GALNT13: variants seen among roughly 807,000 people sequenced by gnomAD.
GALNT13 encodes UDP-GalNAc:polypeptide N-acetylgalactosaminyltransferase 13.
In GALNT13, 28 loss-of-function variants were observed where a neutral mutation model predicts 64.2. The ratio of observed to expected loss-of-function variants is 0.44; its 90% CI spans 0.32 to 0.60. GALNT13 has a LOEUF of 0.60. GALNT13 is among the 20% of genes least tolerant of loss of function. GALNT13 has a pLI of 0.05. For missense variants in GALNT13, 577 were observed against 669.8 expected (o/e 0.86, Z 1.53); for synonymous variants, 214 against 224.6 (o/e 0.95, Z 0.42).
the GALNT13 span, among the ~76,000 whole-genome samples, chr2:153,393,947 TACAC>T: frequency 6.2e-3 from 791 of 128,224 alleles, 2 homozygotes; most frequent in East Asian, 0.022. Flanking sequence ...TCTCTCTGTC[TACAC>T]ACACACACAC....
At chr2:153,541,579 G>A in the GALNT13 span, among the ~76,000 whole-genome samples, 601 of 152,184 alleles carry the variant, frequency 3.9e-3, 8 homozygotes, top group Admixed American at 0.024. Flanking sequence ...TCTCCCCTGC[G>A]TTTCTGTGTA....
rs972829083 is a variant in GALNT13 at position 154,384,760 on chromosome 2, T to C, written c.1157-11231T>C. Among the ~76,000 whole-genome samples, 9 of 152,064 alleles carry C rather than the reference T, an allele frequency of 5.9e-5. No individual in the cohort carries two copies. In the East Asian group the frequency reaches 1.5e-3, roughly 26 times the overall value. ...GTCATTCTCAGTGCCATTAAGAAGA[T>C]TGACAATCCAGGCTATCTTAAAATC... is the stretch of plus-strand genomic sequence containing the variant. On this transcript the variant is annotated intron_variant, in intron 9 of 12. Transcript: ENST00000392825.
At chr2:154,201,437 G>T (rs1171773570) in intron 4 of GALNT13, among the ~76,000 whole-genome samples, 2 of 152,062 alleles carry the variant, frequency 1.3e-5, no homozygotes, top group African/African-American at 4.8e-5. Flanking sequence ...ATTGAATACT[G>T]TCTTATACCT....
the GALNT13 span, among the ~76,000 whole-genome samples, chr2:153,419,165 T>C: frequency 2.0e-5 from 3 of 152,164 alleles, no homozygotes; most frequent in Non-Finnish European, 4.4e-5. Flanking sequence ...CTTACAATCA[T>C]GGTGGAAGAG....
chr2:153,619,597 G>T, the GALNT13 span, among the ~76,000 whole-genome samples: 1 of 151,952 alleles, frequency 6.6e-6, no homozygotes, highest in Non-Finnish European at 1.5e-5. Flanking sequence ...TATAGGACGG[G>T]CCTTGTAGAA....
intron 4 of GALNT13, among the ~76,000 whole-genome samples, chr2:154,154,102 A>G (rs1684252608): frequency 6.6e-6 from 1 of 152,134 alleles, no homozygotes; most frequent in Non-Finnish European, 1.5e-5. Flanking sequence ...TATATTTCTA[A>G]TATTTTGTTT....
intron 12 of GALNT13, among the ~76,000 whole-genome samples, chr2:154,449,514 A>T (rs2105506120): frequency 6.6e-6 from 1 of 150,700 alleles, no homozygotes; most frequent in South Asian, 2.1e-4. Context: ...TATTTTCAAG[A>T]TATATTTGCA....
chr2:153,151,972 A>T, the GALNT13 span, among the ~76,000 whole-genome samples: 1 of 151,992 alleles, frequency 6.6e-6, no homozygotes, highest in East Asian at 1.9e-4. Flanking sequence ...CTAAAACTTA[A>T]AGTATAATAA....
the GALNT13 span, among the ~76,000 whole-genome samples, chr2:153,189,539 T>C: frequency 5.9e-5 from 9 of 152,284 alleles, no homozygotes; most frequent in Admixed American, 5.9e-4. Flanking sequence ...TTGGCAATTG[T>C]GAATAGTGTT....
At chr2:153,816,878 T>G in the GALNT13 span, among the ~76,000 whole-genome samples, 1 of 152,166 alleles carries the variant, frequency 6.6e-6, no homozygotes, top group Non-Finnish European at 1.5e-5. Context: ...ATGCAGACTC[T>G]TTGGGTTCTG....
intron 4 of GALNT13, among the ~76,000 whole-genome samples, chr2:154,183,186 C>T (rs1306742849): frequency 6.6e-6 from 1 of 151,992 alleles, no homozygotes; most frequent in Non-Finnish European, 1.5e-5. Flanking sequence ...GAATAAATAC[C>T]AAATCAATGT....
At chr2:153,438,341 T>A in the GALNT13 span, among the ~76,000 whole-genome samples, 1 of 152,142 alleles carries the variant, frequency 6.6e-6, no homozygotes, top group Non-Finnish European at 1.5e-5. Context: ...TTTGTGGCAT[T>A]TTCTGTATTT....
intron 1 of GALNT13, among the ~76,000 whole-genome samples, chr2:153,883,599 G>T (rs1183991489): frequency 6.6e-6 from 1 of 152,110 alleles, no homozygotes; most frequent in African/African-American, 2.4e-5. Flanking sequence ...ATGTGAAGTA[G>T]TCCAGGAAGG....
At chr2:154,302,126 A>T (rs1013580462) in intron 9 of GALNT13, among the ~76,000 whole-genome samples, 3 of 151,962 alleles carry the variant, frequency 2.0e-5, no homozygotes, top group African/African-American at 4.8e-5. Context: ...TCTTTTCCCT[A>T]TATTTTTATA....
At chr2:153,518,666 T>G in the GALNT13 span, among the ~76,000 whole-genome samples, 1 of 152,192 alleles carries the variant, frequency 6.6e-6, no homozygotes. Context: ...AATTGTTATT[T>G]GAGTTCAATA....
At chr2:153,197,008 A>T in the GALNT13 span, among the ~76,000 whole-genome samples, 1 of 152,160 alleles carries the variant, frequency 6.6e-6, no homozygotes, top group African/African-American at 2.4e-5. Context: ...TGTTGTTAAC[A>T]GTGGGCACAA....
Position 153,918,887 on chromosome 2 carries a change from A to G in GALNT13, c.-105+17880A>G, listed in dbSNP as rs1265996423. ...CTACTCATAGCTAAATGTCTCCAAG[A>G]TTTTTCAATATTTTGTGTCACATTC... On this transcript the variant is annotated intron_variant, in intron 2 of 12. Transcript: ENST00000392825. Among the ~76,000 whole-genome samples the G allele has an allele frequency of 2.0e-5, 3 of 151,948 alleles. No homozygotes were observed. The East Asian group carries it at 5.8e-4, about 29-fold the overall frequency.
the GALNT13 span, among the ~76,000 whole-genome samples, chr2:153,440,050 C>G: frequency 6.6e-6 from 1 of 152,048 alleles, no homozygotes; most frequent in African/African-American, 2.4e-5. Flanking sequence ...TTTGCTGCAC[C>G]CATCAACCCG....
At chr2:153,722,089 GA>G in the GALNT13 span, among the ~76,000 whole-genome samples, 4 of 149,136 alleles carry the variant, frequency 2.7e-5, no homozygotes, top group African/African-American at 1.0e-4. Context: ...TAAAAGAACA[GA>G]AATTATAACA....
Sources: allele counts gnomAD v4.1 joint callset (sites outside exome capture counted in the v4.1 genomes callset), GRCh38; gene constraint gnomAD v4.1.1; transcripts MANE v1.5; gene names NCBI Gene and HGNC (gene_info 2026-07-23, HGNC 2026-07-21).